Variants in KHDRBS2 observed in about 807,000 individuals in gnomAD.
The protein encoded by KHDRBS2 is KH RNA binding domain containing, signal transduction associated 2.
In KHDRBS2, 26 loss-of-function variants were observed where a neutral mutation model predicts 44.3. That is an observed-to-expected ratio of 0.59 (90% CI 0.43 to 0.81). The LOEUF (loss-of-function observed/expected upper bound fraction) is 0.81, where lower values mean the gene tolerates loss of function less well. Among genes scored for constraint, KHDRBS2 ranks in the 40% least tolerant of loss-of-function variants. The probability of loss-of-function intolerance (pLI) is 0.00; values close to 1 mark genes in which losing one functional copy is unlikely to be tolerated. For missense variants in KHDRBS2, 476 were observed against 433.1 expected (o/e 1.10, Z -0.88); for synonymous variants, 194 against 151.1 (o/e 1.28, Z -2.08).
chr6:61,730,436 G>A (rs182987148), intron 7 of KHDRBS2, among the ~76,000 whole-genome samples: 1 of 152,036 alleles, frequency 6.6e-6, no homozygotes, highest in Non-Finnish European at 1.5e-5. Context: ...CCCCATGAAA[G>A]ACTTTGTACC....
chr6:62,087,200 T>C (rs1485075851), intron 2 of KHDRBS2, among the ~76,000 whole-genome samples: 2 of 152,056 alleles, frequency 1.3e-5, no homozygotes, highest in Non-Finnish European at 2.9e-5. Flanking sequence ...TTGATCCATA[T>C]AACATTCCAC....
intron 3 of KHDRBS2, among the ~76,000 whole-genome samples, chr6:62,026,958 T>G (rs1413751188): frequency 6.6e-6 from 1 of 152,094 alleles, no homozygotes; most frequent in Non-Finnish European, 1.5e-5. Flanking sequence ...GTTTCAAGTT[T>G]TGAATTTTGT....
At chr6:61,911,730 A>C (rs1268815866) in intron 4 of KHDRBS2, among the ~76,000 whole-genome samples, 1 of 152,020 alleles carries the variant, frequency 6.6e-6, no homozygotes, top group African/African-American at 2.4e-5. Context: ...AAATGCTGTG[A>C]TTATTCCTTC....
chr6:62,064,501 G>C (rs1792997889), intron 2 of KHDRBS2, among the ~76,000 whole-genome samples: 1 of 146,992 alleles, frequency 6.8e-6, no homozygotes, highest in Non-Finnish European at 1.5e-5. Flanking sequence ...TCTGATCTTT[G>C]ACAAACCTGA....
intron 6 of KHDRBS2, among the ~76,000 whole-genome samples, chr6:61,812,883 C>A (rs566930494): frequency 6.6e-6 from 1 of 151,954 alleles, no homozygotes; most frequent in Non-Finnish European, 1.5e-5. Flanking sequence ...TTGGCCTCGG[C>A]GTATTTTCAC....
chr6:62,242,706 G>A (rs1033400397), intron 1 of KHDRBS2, among the ~76,000 whole-genome samples: 1 of 151,982 alleles, frequency 6.6e-6, no homozygotes, highest in Non-Finnish European at 1.5e-5. Flanking sequence ...GTAGCACTGA[G>A]GAAAAAAGAA....
chr6:61,959,104 AC>A (rs1562529882), intron 4 of KHDRBS2, among the ~76,000 whole-genome samples: 1 of 152,168 alleles, frequency 6.6e-6, no homozygotes, highest in African/African-American at 2.4e-5. Flanking sequence ...AACATTTTAC[AC>A]ATCTTTCCCG....
intron 6 of KHDRBS2, among the ~76,000 whole-genome samples, chr6:61,759,679 A>C (rs1294076405): frequency 2.6e-5 from 4 of 152,182 alleles, no homozygotes; most frequent in African/African-American, 4.8e-5. Context: ...ACTATTTGGG[A>C]AAATGTTTGA....
intron 8 of KHDRBS2, among the ~76,000 whole-genome samples, chr6:61,685,339 T>C (rs746566187): frequency 2.0e-4 from 30 of 151,812 alleles, no homozygotes; most frequent in Non-Finnish European, 3.8e-4. Flanking sequence ...AAAGGAGAAA[T>C]CGTCTACAGT....
chr6:61,809,299 G>T (rs1787716820), intron 6 of KHDRBS2, among the ~76,000 whole-genome samples: 2 of 152,102 alleles, frequency 1.3e-5, no homozygotes, highest in Admixed American at 1.3e-4. Context: ...AAAGGCAATG[G>T]CAATAGAAGA....
the KHDRBS2 span, among the ~76,000 whole-genome samples, chr6:61,602,194 C>T: frequency 1.3e-5 from 2 of 152,284 alleles, no homozygotes; most frequent in African/African-American, 4.8e-5. Context: ...TTAACCTAGC[C>T]TTCAAGATGT....
At position 62,177,204 on chromosome 6, in the gene KHDRBS2, G is replaced by A. The variant is rs1282453298; in HGVS notation, c.200C>T (p.Pro67Leu). The change falls in exon 2 of 9, where the codon CCT (proline) becomes CTT (leucine). Residue 67 changes from proline to leucine, a missense_variant. By Grantham distance (98) the Pro-to-Leu change is moderately conservative. Transcript: ENST00000281156. ...TAGTACCTTTGGATACTGCTTGACA[G>A]GAATCAGTACTCTTTCTGAGAGCTT... Reference protein sequence around the residue: ...NIKLSERVLIPVKQYPKFNFV... With the variant: ...NIKLSERVLILVKQYPKFNFV... 1.9e-6 allele frequency: 3 copies of A among 1,580,656 alleles called. No individual in the cohort carries two copies. Among genetic ancestry groups the A allele is most frequent in the African/African-American group, 2.7e-5 (2 of 74,018 alleles).
chr6:61,634,272 A>AT, the KHDRBS2 span, among the ~76,000 whole-genome samples: 2 of 151,678 alleles, frequency 1.3e-5, no homozygotes, highest in African/African-American at 4.8e-5. Context: ...CAAATTAAAA[A>AT]AAAAAAAGTT....
chr6:61,656,602 TA>T, the KHDRBS2 span, among the ~76,000 whole-genome samples: 50 of 152,088 alleles, frequency 3.3e-4, no homozygotes, highest in African/African-American at 1.1e-3. Flanking sequence ...GCAAAATAAT[TA>T]AAAAGTCCAG....
intron 2 of KHDRBS2, among the ~76,000 whole-genome samples, chr6:62,088,156 A>C (rs1203203357): frequency 6.6e-6 from 1 of 152,092 alleles, no homozygotes; most frequent in Non-Finnish European, 1.5e-5. Context: ...TTTTGCTTGG[A>C]GGAATTTGTT....
the KHDRBS2 span, among the ~76,000 whole-genome samples, chr6:61,575,668 G>A: frequency 2.4e-4 from 37 of 152,268 alleles, 1 homozygote; most frequent in East Asian, 6.4e-3. Context: ...GTTTACAGCA[G>A]TACAATTCAC....
chr6:62,184,846 G>A (rs1823105637), intron 1 of KHDRBS2, among the ~76,000 whole-genome samples: 1 of 151,668 alleles, frequency 6.6e-6, no homozygotes, highest in Admixed American at 6.6e-5. Flanking sequence ...TTTATATAAG[G>A]TGCCTCAAAT....
At chr6:62,245,066 C>T (rs1835319447) in intron 1 of KHDRBS2, among the ~76,000 whole-genome samples, 2 of 152,044 alleles carry the variant, frequency 1.3e-5, no homozygotes, top group South Asian at 2.1e-4. Flanking sequence ...AAACTGAAAA[C>T]AGACCCAACA....
intron 4 of KHDRBS2, among the ~76,000 whole-genome samples, chr6:61,912,690 T>C (rs545872684): frequency 1.3e-5 from 2 of 152,258 alleles, no homozygotes; most frequent in South Asian, 4.1e-4. Context: ...ACCATCTATA[T>C]AGCTCTCTGC....
Sources: allele counts gnomAD v4.1 joint callset (sites outside exome capture counted in the v4.1 genomes callset), GRCh38; gene constraint gnomAD v4.1.1; transcripts MANE v1.5; gene names NCBI Gene and HGNC (gene_info 2026-07-23, HGNC 2026-07-21).